ARHGEF28: variants seen among roughly 807,000 people sequenced by gnomAD.
ARHGEF28 encodes the protein 190 kDa guanine nucleotide exchange factor.
ARHGEF28 carries 152 observed loss-of-function variants against 206.6 expected under a neutral mutation model. That is an observed-to-expected ratio of 0.74 (90% CI 0.64 to 0.84). The LOEUF (loss-of-function observed/expected upper bound fraction) is 0.84. Among genes scored for constraint, ARHGEF28 ranks in the 40% least tolerant of loss-of-function variants. ARHGEF28 has a pLI of 0.00. For synonymous variants in ARHGEF28, 763 were observed against 776.4 expected, an observed-to-expected ratio of 0.98 and a Z score of 0.29; for missense variants, 2,028 against 2,073.2, an observed-to-expected ratio of 0.98 and a Z score of 0.42.
intron 31 of ARHGEF28, 33 bp from the exon 32 acceptor site, chr5:73,904,189 G>A (rs746997942): frequency 9.9e-6 from 16 of 1,608,750 alleles, no homozygotes; most frequent in Non-Finnish European, 1.4e-5. Context: ...AAGTAGAATG[G>A]TTATTCATTT....
chr5:73,915,210 T>G (rs1202474660), intron 35 of ARHGEF28, among the ~76,000 whole-genome samples: 1 of 152,194 alleles, frequency 6.6e-6, no homozygotes, highest in Non-Finnish European at 1.5e-5. Flanking sequence ...TCTAAATGTT[T>G]TGGATTACTG....
At chr5:73,772,261 C>A (rs1240200064) in intron 4 of ARHGEF28, among the ~76,000 whole-genome samples, 1 of 152,158 alleles carries the variant, frequency 6.6e-6, no homozygotes, top group Non-Finnish European at 1.5e-5. Context: ...TAGGACAAAG[C>A]TGAGTTTATT....
chr5:73,868,061 G>A, intron 19 of ARHGEF28, 39 bp from the exon 20 acceptor site: 3 of 1,613,178 alleles, frequency 1.9e-6, no homozygotes, highest in Non-Finnish European at 2.5e-6. Context: ...GGCTCAGAGA[G>A]CTTCTGGGGC....
chr5:73,646,968 G>T (rs895799705), intron 1 of ARHGEF28, among the ~76,000 whole-genome samples: 1 of 152,166 alleles, frequency 6.6e-6, no homozygotes, highest in Non-Finnish European at 1.5e-5. Flanking sequence ...CCACTTGTCT[G>T]CGTCTTGCCA....
At chr5:73,909,228 G>A in intron 33 of ARHGEF28, 184 bp from the exon 34 acceptor site, 1 of 772,204 alleles carries the variant, frequency 1.3e-6, no homozygotes, top group Non-Finnish European at 2.0e-6. Flanking sequence ...TAGGACAGAT[G>A]TAGACACACC....
At chr5:73,896,626 G>C (rs1279197756) in intron 29 of ARHGEF28, among the ~76,000 whole-genome samples, 2 of 152,228 alleles carry the variant, frequency 1.3e-5, no homozygotes, top group Non-Finnish European at 2.9e-5. Flanking sequence ...AATGGGAGCA[G>C]AGAGAAGAGG....
intron 7 of ARHGEF28, among the ~76,000 whole-genome samples, chr5:73,783,105 G>A (rs944925073): frequency 2.0e-5 from 3 of 152,158 alleles, no homozygotes; most frequent in Middle Eastern, 6.8e-3. Context: ...TTTGAGGTTG[G>A]GGCAGAAAAA....
chr5:73,802,899 T>C (rs1755227499), intron 9 of ARHGEF28, among the ~76,000 whole-genome samples: 1 of 151,202 alleles, frequency 6.6e-6, no homozygotes, highest in African/African-American at 2.4e-5. Flanking sequence ...TGTGTGTGTG[T>C]GTGTGTGTGT....
chr5:73,684,818 C>T, intron 1 of ARHGEF28, 23 bp from the exon 2 acceptor site: 1 of 1,604,288 alleles, frequency 6.2e-7, no homozygotes, highest in Non-Finnish European at 8.5e-7. Context: ...AATAACTTCT[C>T]TTGTTTATTA....
intron 1 of ARHGEF28, among the ~76,000 whole-genome samples, chr5:73,683,591 T>C (rs1337988606): frequency 6.6e-6 from 1 of 151,994 alleles, no homozygotes; most frequent in East Asian, 1.9e-4. Context: ...TCACATTTTG[T>C]TTATCCATCC....
intron 4 of ARHGEF28, among the ~76,000 whole-genome samples, chr5:73,772,615 G>A (rs1753286812): frequency 6.6e-6 from 1 of 152,214 alleles, no homozygotes; most frequent in South Asian, 2.1e-4. Context: ...CTGGGCTCAA[G>A]TGATCCTCCC....
chr5:73,934,841 T>C (rs1404713353), intron 35 of ARHGEF28, among the ~76,000 whole-genome samples: 1 of 152,228 alleles, frequency 6.6e-6, no homozygotes, highest in Non-Finnish European at 1.5e-5. Context: ...CTACATTCTT[T>C]TATCGTCAAT....
intron 2 of ARHGEF28, among the ~76,000 whole-genome samples, chr5:73,688,061 T>C (rs1747581464): frequency 6.6e-6 from 1 of 152,206 alleles, no homozygotes; most frequent in Non-Finnish European, 1.5e-5. Flanking sequence ...AAAGATATCC[T>C]CTCCATTGGA....
At chr5:73,672,748 A>T (rs949873096) in intron 1 of ARHGEF28, among the ~76,000 whole-genome samples, 1 of 152,234 alleles carries the variant, frequency 6.6e-6, no homozygotes, top group African/African-American at 2.4e-5. Flanking sequence ...TGTAAAGGTG[A>T]TGTCTGATAG....
At chr5:73,677,368 G>T (rs1746772383) in intron 1 of ARHGEF28, among the ~76,000 whole-genome samples, 1 of 152,134 alleles carries the variant, frequency 6.6e-6, no homozygotes, top group African/African-American at 2.4e-5. Flanking sequence ...ATTGAGCAAG[G>T]TGCCTGAGTA....
At chr5:73,747,000 A>G (rs1242232022) in intron 2 of ARHGEF28, among the ~76,000 whole-genome samples, 4 of 152,172 alleles carry the variant, frequency 2.6e-5, no homozygotes, top group Non-Finnish European at 5.9e-5. Context: ...TTTGACTGGA[A>G]TACACTAAAC....
intron 12 of ARHGEF28, 131 bp downstream of exon 12, chr5:73,846,606 A>G: frequency 1.3e-6 from 1 of 778,648 alleles, no homozygotes. Flanking sequence ...GACCCATGTG[A>G]TATCTGATTG....
intron 35 of ARHGEF28, among the ~76,000 whole-genome samples, chr5:73,933,836 A>G (rs553469721): frequency 6.6e-6 from 1 of 152,086 alleles, no homozygotes; most frequent in South Asian, 2.1e-4. Context: ...CCACAATATG[A>G]TCATCACATC....
At chr5:73,642,156 T>C (rs774946028) in intron 1 of ARHGEF28, among the ~76,000 whole-genome samples, 3 of 152,202 alleles carry the variant, frequency 2.0e-5, no homozygotes, top group African/African-American at 4.8e-5. Context: ...TTCCACTCAA[T>C]CCACTCAACT....
Sources: allele counts gnomAD v4.1 joint callset (sites outside exome capture counted in the v4.1 genomes callset), GRCh38; gene constraint gnomAD v4.1.1; transcripts MANE v1.5; gene names NCBI Gene and HGNC (gene_info 2026-07-23, HGNC 2026-07-21).